Variants in LAMP1 observed in about 807,000 individuals in gnomAD.
LAMP1 encodes lysosome associated membrane protein 1.
In LAMP1, 7 loss-of-function variants were observed where a neutral mutation model predicts 37.5. The ratio of observed to expected loss-of-function variants is 0.19; its 90% CI spans 0.11 to 0.35. The LOEUF (loss-of-function observed/expected upper bound fraction) is 0.35. LAMP1 is among the 10% of genes least tolerant of loss of function. The probability of loss-of-function intolerance (pLI) is 1.00; values close to 1 mark genes in which losing one functional copy is unlikely to be tolerated. For missense variants in LAMP1, 537 were observed against 552.8 expected (o/e 0.97, Z 0.29); for synonymous variants, 236 against 229.1 (o/e 1.03, Z -0.27).
Position 113,310,770 on chromosome 13 carries a change from T to C in LAMP1, c.465T>C (p.Cys155=). The change falls in exon 4 of 9, where the codon TGT becomes TGC. Residue 155 remains cysteine (C), a synonymous_variant. Transcript: ENST00000332556. ...CAGATATAGATAAAAAATACAGATG[T>C]GTTAGTGGCACCCAGGTCCACATGA... ...IRADIDKKYR[C]VSGTQVHMNN... 1 of 1,613,380 alleles carries C rather than the reference T, an allele frequency of 6.2e-7. No individual in the cohort carries two copies. The highest frequency in any genetic ancestry group is 8.5e-7 in the Non-Finnish European group (1 of 1,179,610).
Position 113,323,010 on chromosome 13 carries a change from G to A in LAMP1, c.*589G>A, listed in dbSNP as rs913617701. ...GGCCGTCACACGTAGGACGCATGAA[G>A]GTCACTCGTGGTGAGGCTGACATGC... On this transcript the variant is annotated 3_prime_UTR_variant, in exon 9 of 9. Coordinates refer to ENST00000332556, the MANE Select transcript of LAMP1 (RefSeq NM_005561.4). 1 of 153,124 alleles carries A rather than the reference G, an allele frequency of 6.5e-6. No individual in the cohort carries two copies. The highest frequency in any genetic ancestry group is 2.4e-5 in the African/African-American group (1 of 41,452). The allele number at this position is 153,124 out of a possible 1,614,324, so 9.5% of individuals were successfully genotyped here.
At position 113,321,418 on chromosome 13, in the gene LAMP1, C is replaced by A. The variant is rs1250086258; in HGVS notation, c.891C>A (p.Ser297Arg). 1 of 1,613,666 alleles carries A rather than the reference C, an allele frequency of 6.2e-7. No homozygotes were observed. Among genetic ancestry groups the A allele is most frequent in the East Asian group, 2.2e-5 (1 of 44,896 alleles). The change falls in exon 7 of 9, where the codon AGC becomes AGA. Residue 297 changes from serine to arginine, a missense_variant. By Grantham distance (110) the Ser-to-Arg change is moderately radical (BLOSUM62 -1). Transcript: ENST00000332556. This position sits in a 1 kb window ranked among gnomAD's most constrained non-coding sequence, Gnocchi z 5.6. ...TTCTTTTTAAGAATGCAAGTTCTAG[C>A]CGGTTTTTCCTACAAGGAATCCAGT... ...LFQFGMNASS[S>R]RFFLQGIQLN...
chr13:113,315,382 CTTTTTTTTTT>C (rs1158608278), intron 4 of LAMP1, among the ~76,000 whole-genome samples: 4 of 60,398 alleles, frequency 6.6e-5, no homozygotes, highest in African/African-American at 2.4e-4. Flanking sequence ...TGTATCTTGT[CTTTTTTTTTT>C]TTTTTTTTTT....
At chr13:113,308,932 A>T (rs2042614743) in intron 2 of LAMP1, among the ~76,000 whole-genome samples, 1 of 152,206 alleles carries the variant, frequency 6.6e-6, no homozygotes, top group Admixed American at 6.5e-5. Context: ...TCTGCTATAA[A>T]CACCTTCTTT....
intron 4 of LAMP1, 96 bp from the exon 5 acceptor site, chr13:113,319,373 C>A: frequency 1.8e-6 from 2 of 1,123,142 alleles, no homozygotes; most frequent in South Asian, 1.6e-5. Flanking sequence ...ACGCCAGAGT[C>A]CACAGATGTA....
chr13:113,317,695 G>GTTT (rs2042673962), intron 4 of LAMP1, among the ~76,000 whole-genome samples: 1 of 143,914 alleles, frequency 6.9e-6, no homozygotes, highest in Non-Finnish European at 1.5e-5. Context: ...CCGTGAAGCT[G>GTTT]CTTTTTTTTT....
At position 113,306,596 on chromosome 13, in the gene LAMP1, G is replaced by T; in HGVS notation, c.173G>T (p.Ser58Ile). The T allele has an allele frequency of 6.2e-7, 1 of 1,613,916 alleles. No individual in the cohort carries two copies. Among genetic ancestry groups the T allele is most frequent in the Non-Finnish European group, 8.5e-7 (1 of 1,179,926 alleles). Residue 58 changes from serine to isoleucine, a missense_variant, in exon 2 of 9, where the codon AGT becomes ATT. By Grantham distance (142) the Ser-to-Ile change is moderately radical. Transcript: ENST00000332556. Reference sequence around the variant, plus strand: ...TTCTCAGTGAACTACGACACCAAGAGTGGCCCTAAGGTAGGAAACACCAGG... The same window carrying T: ...TTCTCAGTGAACTACGACACCAAGATTGGCCCTAAGGTAGGAAACACCAGG... The part of the protein sequence containing the change: ...AAFSVNYDTK[S>I]GPKNMTFDLP...
At position 113,321,983 on chromosome 13, in the gene LAMP1, C is replaced by T; in HGVS notation, c.1114+256C>T. 1 of 589,704 alleles carries T rather than the reference C, an allele frequency of 1.7e-6. No individual in the cohort carries two copies. The highest frequency in any genetic ancestry group is 3.0e-6 in the Non-Finnish European group (1 of 333,920). The allele number at this position is 589,704 out of a possible 1,614,324, so 36.5% of individuals were successfully genotyped here. Reference sequence around the variant, plus strand: ...TTTAAGAAACAGTGGTGGCGCTTCTCCCATGAACGTTGAATACAACACTGT... The same window carrying T: ...TTTAAGAAACAGTGGTGGCGCTTCTTCCATGAACGTTGAATACAACACTGT... On this transcript the variant is annotated intron_variant, in intron 8 of 8. Coordinates refer to ENST00000332556, the MANE Select transcript of LAMP1 (RefSeq NM_005561.4). This position sits in a 1 kb window ranked among gnomAD's most constrained non-coding sequence, Gnocchi z 5.6.
At position 113,321,815 on chromosome 13, in the gene LAMP1, TG is replaced by T; in HGVS notation, c.1114+92del. ...GACGTTTAGTCGCTTCCGTGTGGGC[TG>T]GGGCGACGCCCCTGTTCCTCTGCAA... On this transcript the variant is annotated intron_variant, in intron 8 of 8. Transcript: ENST00000332556. The surrounding 1 kb of genome is among the most constrained non-coding windows in gnomAD (Gnocchi z 5.6). 1 of 1,330,366 alleles carries T rather than the reference TG, an allele frequency of 7.5e-7. No homozygotes were observed. The highest frequency in any genetic ancestry group is 1.1e-6 in the Non-Finnish European group (1 of 950,838). 82.4% of individuals were successfully genotyped at this position (1,330,366 alleles called of 1,614,324 possible). A position where few individuals can be genotyped will look rare whatever the true frequency, so the allele number is the denominator to read the frequency against.
intron 4 of LAMP1, among the ~76,000 whole-genome samples, chr13:113,314,054 C>T (rs1486405762): frequency 2.6e-4 from 27 of 105,510 alleles, no homozygotes; most frequent in African/African-American, 1.1e-3. Context: ...GTGGAGATGC[C>T]CGTGTGCCTG....
intron 1 of LAMP1, among the ~76,000 whole-genome samples, chr13:113,299,274 C>CTT (rs75937787): frequency 6.8e-6 from 1 of 147,958 alleles, no homozygotes. Context: ...ACAATCTTAA[C>CTT]TTTTTTTTTT....
At chr13:113,302,618 A>G (rs995572304) in intron 1 of LAMP1, among the ~76,000 whole-genome samples, 29 of 152,136 alleles carry the variant, frequency 1.9e-4, no homozygotes, top group African/African-American at 5.3e-4. Context: ...TTAAGAGACA[A>G]GGTCTTGCTG....
rs2042618276 is a variant in LAMP1, at chr13:113,309,621, C to T, written c.184-22C>T. On this transcript the variant is annotated intron_variant, in intron 2 of 8. Transcript: ENST00000332556. ...AATAACCTGCATCCCAATTGGGTTA[C>T]ATTTAATTGTGTTTATTCTAGAACA... 4 of 1,575,384 alleles carry T rather than the reference C, an allele frequency of 2.5e-6. No individual in the cohort carries two copies. The South Asian group carries it at 3.4e-5, about 13-fold the overall frequency.
chr13:113,315,715 C>T (rs1323247538), intron 4 of LAMP1, among the ~76,000 whole-genome samples: 1 of 151,910 alleles, frequency 6.6e-6, no homozygotes, highest in Non-Finnish European at 1.5e-5. Flanking sequence ...TCGGGGACCT[C>T]ATAGATTTTA....
intron 4 of LAMP1, among the ~76,000 whole-genome samples, chr13:113,318,070 G>A (rs570474676): frequency 5.0e-4 from 76 of 152,358 alleles, no homozygotes; most frequent in Non-Finnish European, 9.8e-4. Flanking sequence ...CACATCCCAG[G>A]TTGGGACGGC....
At chr13:113,316,663 C>T (rs966047735) in intron 4 of LAMP1, among the ~76,000 whole-genome samples, 2 of 152,012 alleles carry the variant, frequency 1.3e-5, no homozygotes, top group East Asian at 1.9e-4. Context: ...CCTCGTGATC[C>T]GCCCGCCTCG....
chr13:113,305,540 T>A (rs1354759934), intron 1 of LAMP1: 1 of 151,910 alleles, frequency 6.6e-6, no homozygotes, highest in Non-Finnish European at 1.5e-5. Context: ...GGAAGTGGAG[T>A]ATGAGTAAGT....
At chr13:113,316,705 G>A (rs535683838) in intron 4 of LAMP1, among the ~76,000 whole-genome samples, 29 of 152,226 alleles carry the variant, frequency 1.9e-4, no homozygotes, top group African/African-American at 6.0e-4. Context: ...ACAGGCGTGA[G>A]CCACCGTGCC....
At position 113,300,664 on chromosome 13, in the gene LAMP1, A is replaced by C. The variant is rs376961250; in HGVS notation, c.61+3169A>C. 2.5e-4 allele frequency among the ~76,000 whole-genome samples: 38 copies of C among 151,936 alleles called. No homozygotes were observed. The South Asian group carries it at 7.5e-3, about 30-fold the overall frequency. On this transcript the variant is annotated intron_variant, in intron 1 of 8. Coordinates refer to ENST00000332556, the MANE Select transcript of LAMP1 (RefSeq NM_005561.4). ...TCTATTCTTTTTAAAAATATTTTTA[A>C]AAAGTTAGCCAGGCGTAGTGGCACA...
Sources: allele counts gnomAD v4.1 joint callset (sites outside exome capture counted in the v4.1 genomes callset), GRCh38; gene constraint gnomAD v4.1.1; non-coding constraint Gnocchi (gnomAD v3.1); transcripts MANE v1.5; gene names NCBI Gene and HGNC (gene_info 2026-07-23, HGNC 2026-07-21).